Variants in HS3ST4 observed in about 807,000 individuals in gnomAD.
HS3ST4 encodes the protein heparan sulfate-glucosamine 3-sulfotransferase 4, also known as heparan sulfate glucosamine 3-O-sulfotransferase 4.
A neutral mutation model predicts 29.2 loss-of-function variants in HS3ST4; 17 were observed. That is an observed-to-expected ratio of 0.58 (90% confidence interval 0.40 to 0.87). The LOEUF (loss-of-function observed/expected upper bound fraction) is 0.87, where lower values mean the gene tolerates loss of function less well. Ranked by LOEUF, HS3ST4 falls within the 40% of genes least tolerant of loss-of-function variation. The probability of loss-of-function intolerance (pLI) is 0.00; values close to 1 mark genes in which losing one functional copy is unlikely to be tolerated. For synonymous variants in HS3ST4, 314 were observed against 285.7 expected, an observed-to-expected ratio of 1.10 and a Z score of -1.00; for missense variants, 627 against 634.5, an observed-to-expected ratio of 0.99 and a Z score of 0.13.
chr16:25,864,556 A>C (rs1596595462), intron 1 of HS3ST4, among the ~76,000 whole-genome samples: 1 of 150,300 alleles, frequency 6.7e-6, no homozygotes, highest in Admixed American at 6.7e-5. Context: ...TCCCCCTCCC[A>C]CTCCCTTTCC....
intron 1 of HS3ST4, among the ~76,000 whole-genome samples, chr16:25,799,127 G>C (rs1387526780): frequency 6.6e-6 from 1 of 152,170 alleles, no homozygotes; most frequent in African/African-American, 2.4e-5. Context: ...GGAAGTTTGA[G>C]CTAAAATTTT....
chr16:25,994,799 A>G (rs2056778479), intron 1 of HS3ST4, among the ~76,000 whole-genome samples: 1 of 152,242 alleles, frequency 6.6e-6, no homozygotes, highest in African/African-American at 2.4e-5. Flanking sequence ...TCTCAAGAGT[A>G]AGAGAAAGAA....
chr16:25,956,694 C>G (rs1968735870), intron 1 of HS3ST4, among the ~76,000 whole-genome samples: 1 of 152,138 alleles, frequency 6.6e-6, no homozygotes, highest in Middle Eastern at 3.4e-3. Context: ...GAAAGGAAAA[C>G]CTGGTTTAAA....
intron 1 of HS3ST4, among the ~76,000 whole-genome samples, chr16:25,815,043 A>G (rs1340975604): frequency 6.6e-6 from 1 of 152,230 alleles, no homozygotes; most frequent in Non-Finnish European, 1.5e-5. Context: ...GATGGGACAC[A>G]GTGACCATGC....
At chr16:26,056,132 T>C (rs1354617009) in intron 1 of HS3ST4, among the ~76,000 whole-genome samples, 6 of 151,970 alleles carry the variant, frequency 3.9e-5, no homozygotes, top group Non-Finnish European at 5.9e-5. Context: ...CTCCTCCATT[T>C]GAATTAACTT....
At chr16:25,961,462 C>G (rs1396208713) in intron 1 of HS3ST4, among the ~76,000 whole-genome samples, 3 of 152,234 alleles carry the variant, frequency 2.0e-5, no homozygotes, top group African/African-American at 7.2e-5. Context: ...TTTATTCATT[C>G]ATTCCTTTCT....
intron 1 of HS3ST4, among the ~76,000 whole-genome samples, chr16:25,707,200 T>C (rs1966381348): frequency 6.6e-6 from 1 of 152,148 alleles, no homozygotes; most frequent in Admixed American, 6.6e-5. Flanking sequence ...TGCTGGTAAT[T>C]CAGATATGCC....
Position 25,956,224 on chromosome 16 carries a change from A to G in HS3ST4, c.735-179388A>G, listed in dbSNP as rs191093879. Among the ~76,000 whole-genome samples the G allele has an allele frequency of 1.2e-4, 18 of 152,262 alleles. No individual in the cohort carries two copies. The East Asian group carries it at 3.1e-3, about 26-fold the overall frequency. On this transcript the variant is annotated intron_variant, in intron 1 of 1. Transcript: ENST00000331351. Reference sequence around the variant, plus strand: ...TCAACAACATGAAACATTGTTTGCCATTTTTCAAATGCCTCCATGATTTCG... The same window carrying G: ...TCAACAACATGAAACATTGTTTGCCGTTTTTCAAATGCCTCCATGATTTCG...
At chr16:26,026,521 C>T (rs1355766318) in intron 1 of HS3ST4, among the ~76,000 whole-genome samples, 2 of 152,060 alleles carry the variant, frequency 1.3e-5, no homozygotes, top group Non-Finnish European at 2.9e-5. Flanking sequence ...CTAGCTTTGC[C>T]CCATAGTCAT....
intron 1 of HS3ST4, among the ~76,000 whole-genome samples, chr16:25,920,746 C>T (rs2141682725): frequency 6.6e-6 from 1 of 151,820 alleles, no homozygotes; most frequent in African/African-American, 2.4e-5. Context: ...GGACTACAGG[C>T]ATGCACCAGC....
chr16:26,099,353 G>A lies in HS3ST4; in HGVS notation c.735-36259G>A, dbSNP rs79856119. Among the ~76,000 whole-genome samples the A allele has an allele frequency of 4.4e-4, 67 of 152,172 alleles. 1 individual carries two copies. Among genetic ancestry groups the A allele is most frequent in the African/African-American group, 1.3e-3 (54 of 41,518 alleles). The stretch of plus-strand genomic sequence containing the variant: ...AAAATTTTTGTGGAGTTGGAGCCTC[G>A]CTATATGGCCCAGACTGGTCTCAAA... On this transcript the variant is annotated intron_variant, in intron 1 of 1. Coordinates refer to ENST00000331351, the MANE Select transcript of HS3ST4 (RefSeq NM_006040.3).
intron 1 of HS3ST4, among the ~76,000 whole-genome samples, chr16:25,833,162 C>A (rs1245306410): frequency 6.6e-6 from 1 of 152,186 alleles, no homozygotes; most frequent in Non-Finnish European, 1.5e-5. Flanking sequence ...GCCTTAATAG[C>A]TTGAGACCTT....
chr16:26,029,765 C>G (rs1247087220), intron 1 of HS3ST4, among the ~76,000 whole-genome samples: 1 of 152,182 alleles, frequency 6.6e-6, no homozygotes, highest in Non-Finnish European at 1.5e-5. Context: ...AGCATCAGTT[C>G]CAGGAGAAGG....
intron 1 of HS3ST4, among the ~76,000 whole-genome samples, chr16:25,994,398 T>C (rs1362901124): frequency 1.3e-5 from 2 of 152,166 alleles, no homozygotes. Context: ...ATTTTCCCAT[T>C]TCATCTTATT....
At chr16:25,918,205 A>G (rs1219258761) in intron 1 of HS3ST4, among the ~76,000 whole-genome samples, 1 of 152,246 alleles carries the variant, frequency 6.6e-6, no homozygotes. Flanking sequence ...ATAAAACAGT[A>G]TGCTGCCTCA....
At chr16:26,021,220 G>T (rs1172683986) in intron 1 of HS3ST4, among the ~76,000 whole-genome samples, 1 of 152,180 alleles carries the variant, frequency 6.6e-6, no homozygotes, top group Non-Finnish European at 1.5e-5. Flanking sequence ...TTAAAAAGGA[G>T]TTTGTTGTCA....
chr16:25,711,656 G>A (rs1966416434), intron 1 of HS3ST4, among the ~76,000 whole-genome samples: 1 of 152,170 alleles, frequency 6.6e-6, no homozygotes, highest in Non-Finnish European at 1.5e-5. Context: ...GTAGAACTTA[G>A]CTAGAATTTT....
intron 1 of HS3ST4, among the ~76,000 whole-genome samples, chr16:25,881,004 C>A (rs527862671): frequency 6.6e-6 from 1 of 152,118 alleles, no homozygotes; most frequent in Admixed American, 6.5e-5. Flanking sequence ...ATGGATGGCT[C>A]ACCCATCAAG....
intron 1 of HS3ST4, among the ~76,000 whole-genome samples, chr16:25,770,752 G>A (rs1348871418): frequency 6.6e-6 from 1 of 152,204 alleles, no homozygotes; most frequent in African/African-American, 2.4e-5. Flanking sequence ...CTCTCAACCA[G>A]TTAAAGCTTC....
Sources: allele counts gnomAD v4.1 joint callset (sites outside exome capture counted in the v4.1 genomes callset), GRCh38; gene constraint gnomAD v4.1.1; transcripts MANE v1.5; gene names NCBI Gene and HGNC (gene_info 2026-07-23, HGNC 2026-07-21).